Variants in IQSEC1 observed in about 807,000 individuals in gnomAD.
The protein encoded by IQSEC1 is IQ motif and SEC7 domain-containing protein 1.
In IQSEC1, 31 loss-of-function variants were observed where a neutral mutation model predicts 91.0. The observed-to-expected ratio is 0.34, with a 90% confidence interval of 0.26 to 0.46. The LOEUF (loss-of-function observed/expected upper bound fraction) is 0.46, where lower values mean the gene tolerates loss of function less well. Among genes scored for constraint, IQSEC1 ranks in the 20% least tolerant of loss-of-function variants. IQSEC1 has a pLI of 1.00. For synonymous variants in IQSEC1, 699 were observed against 662.6 expected (o/e 1.05, Z -0.84); for missense variants, 1,388 against 1,575.6 (o/e 0.88, Z 2.02).
At chr3:13,164,503 G>GTGAA (rs746646832) in intron 1 of IQSEC1, among the ~76,000 whole-genome samples, 5 of 152,140 alleles carry the variant, frequency 3.3e-5, no homozygotes, top group Non-Finnish European at 4.4e-5. Context: ...GAATGAATGA[G>GTGAA]TGAATGAATG....
chr3:12,991,189 C>A (rs1044663037), intron 1 of IQSEC1, among the ~76,000 whole-genome samples: 1 of 152,076 alleles, frequency 6.6e-6, no homozygotes, highest in South Asian at 2.1e-4. Context: ...GGTATCCCCG[C>A]GGGGAAGATT....
At chr3:13,044,650 C>CG (rs1289593544) in intron 1 of IQSEC1, among the ~76,000 whole-genome samples, 3 of 152,214 alleles carry the variant, frequency 2.0e-5, no homozygotes, top group Non-Finnish European at 2.9e-5. Flanking sequence ...GTAGCACAGG[C>CG]GGGGCCAGCA....
At chr3:13,202,835 G>A (rs1311205737) in intron 1 of IQSEC1, among the ~76,000 whole-genome samples, 1 of 152,220 alleles carries the variant, frequency 6.6e-6, no homozygotes, top group Non-Finnish European at 1.5e-5. Flanking sequence ...GACCCCTACT[G>A]TGAGGGCTGG....
intron 2 of IQSEC1, among the ~76,000 whole-genome samples, chr3:13,154,488 T>C (rs357164): frequency 0.19 from 12,657 of 65,544 alleles, 2,980 homozygotes; most frequent in East Asian, 0.4. Flanking sequence ...CAAAAACTGA[T>C]ACAACTGAAG....
chr3:13,079,934 G>GA (rs1031621078), intron 2 of IQSEC1, among the ~76,000 whole-genome samples: 8 of 152,344 alleles, frequency 5.3e-5, no homozygotes, highest in Admixed American at 5.2e-4. Context: ...ATATAGCAAG[G>GA]AAAAACAGAA....
intron 2 of IQSEC1, among the ~76,000 whole-genome samples, chr3:13,113,051 G>A (rs1037212421): frequency 6.6e-6 from 1 of 152,242 alleles, no homozygotes; most frequent in Non-Finnish European, 1.5e-5. Flanking sequence ...TCTGGGAGCT[G>A]CTGCTCTTTC....
chr3:13,010,059 C>T (rs1372931763), intron 1 of IQSEC1, among the ~76,000 whole-genome samples: 1 of 152,228 alleles, frequency 6.6e-6, no homozygotes. Flanking sequence ...TCAGTTTTCT[C>T]ATCTGCAAAA....
At position 12,899,511 on chromosome 3, in the gene IQSEC1, C is replaced by T; in HGVS notation, c.*1472G>A. On this transcript the variant is annotated 3_prime_UTR_variant, in exon 14 of 14. Transcript: ENST00000613206. ...TCTGGCCCTGGGGAGCGCATGGTGT[C>T]ACCACAACACAGAAGCGACAAGAGC... The T allele has an allele frequency of 6.4e-7, 1 of 1,552,374 alleles. No individual in the cohort carries two copies. Among genetic ancestry groups the T allele is most frequent in the African/African-American group, 1.4e-5 (1 of 73,444 alleles).
chr3:13,069,942 T>C (rs781227962), intron 1 of IQSEC1, among the ~76,000 whole-genome samples: 6 of 152,240 alleles, frequency 3.9e-5, no homozygotes, highest in Non-Finnish European at 7.3e-5. Context: ...CCTGCTTTTG[T>C]TGTCATCCTT....
Position 12,967,534 on chromosome 3 carries a change from G to C in IQSEC1, c.24-25669C>G, listed in dbSNP as rs912162657. ...CGCCGACTCCCGCCAGCGAGCCGCC[G>C]GATCCCGGGGCCGACACCCGGCCAC... On this transcript the variant is annotated intron_variant, in intron 1 of 13. Coordinates refer to ENST00000613206, the MANE Select transcript of IQSEC1 (RefSeq NM_001134382.3). This position sits in a 1 kb window ranked among gnomAD's most constrained non-coding sequence, Gnocchi z 5.9. 8.7e-6 allele frequency: 12 copies of C among 1,386,828 alleles called. No homozygotes were observed. The highest frequency in any genetic ancestry group is 1.1e-5 in the Non-Finnish European group (12 of 1,078,714). The allele number at this position is 1,386,828 out of a possible 1,614,324, so 85.9% of individuals were successfully genotyped here.
chr3:13,013,536 A>T (rs1702984243), intron 1 of IQSEC1, among the ~76,000 whole-genome samples: 1 of 152,204 alleles, frequency 6.6e-6, no homozygotes, highest in Non-Finnish European at 1.5e-5. Context: ...CTGATGGCCT[A>T]CAGGTGTTTT....
chr3:12,923,603 G>A (rs1442604819), intron 4 of IQSEC1, among the ~76,000 whole-genome samples: 1 of 152,186 alleles, frequency 6.6e-6, no homozygotes, highest in African/African-American at 2.4e-5. Context: ...GTGGGGATGT[G>A]TGCCCAGGCC....
At chr3:13,015,695 C>T in intron 1 of IQSEC1, 1 of 985,378 alleles carries the variant, frequency 1.0e-6, no homozygotes. Flanking sequence ...GTCTGACTTC[C>T]TCCCTGCTCA....
At chr3:13,162,867 C>T (rs1353995254) in intron 2 of IQSEC1, among the ~76,000 whole-genome samples, 1 of 152,094 alleles carries the variant, frequency 6.6e-6, no homozygotes, top group African/African-American at 2.4e-5. Context: ...GATCCCCAGA[C>T]CCTAGCCTTT....
rs150715074 is a variant in IQSEC1, at chr3:12,938,701, G to A, written c.319-2004C>T. 3.8e-3 allele frequency among the ~76,000 whole-genome samples: 583 copies of A among 152,190 alleles called. 3 individuals are homozygous for A. The highest frequency in any genetic ancestry group is 4.7e-3 in the Non-Finnish European group (320 of 67,994). ...TTTCTTCCCTCACTGTACTTTGTGG[G>A]CGGCACAAGTACGAGGACCTCCAGC... On this transcript the variant is annotated intron_variant, in intron 2 of 13. Transcript: ENST00000613206.
rs554838840 is a variant in IQSEC1 at position 13,015,709 on chromosome 3, G to A, written c.23+57283C>T. On this transcript the variant is annotated intron_variant, in intron 1 of 13. Transcript: ENST00000613206. ...CGTCTGACTTCCTCCCTGCTCAGTCGGCATCCAGGAAACCACACCCAGGGG... is the reference window on the plus strand; with the variant it reads ...CGTCTGACTTCCTCCCTGCTCAGTCAGCATCCAGGAAACCACACCCAGGGG... 2.6e-5 allele frequency: 26 copies of A among 985,350 alleles called. No individual in the cohort carries two copies. In the African/African-American group the frequency reaches 3.8e-4, roughly 15 times the overall value. 61.0% of individuals were successfully genotyped at this position (985,350 alleles called of 1,614,324 possible). A position where few individuals can be genotyped will look rare whatever the true frequency, so the allele number is the denominator to read the frequency against.
At chr3:13,267,695 G>A (rs59848397) in intron 1 of IQSEC1, among the ~76,000 whole-genome samples, 7,392 of 149,684 alleles carry the variant, frequency 0.049, 598 homozygotes, top group African/African-American at 0.17. Context: ...TCCGCTCACT[G>A]CAAGCTCCGC....
intron 1 of IQSEC1, among the ~76,000 whole-genome samples, chr3:13,071,347 G>C (rs1180250385): frequency 1.3e-5 from 2 of 152,024 alleles, no homozygotes; most frequent in Admixed American, 1.3e-4. Context: ...ACATTTCTGA[G>C]CATTGGAGGC....
At chr3:13,034,950 G>A (rs941450597) in intron 1 of IQSEC1, among the ~76,000 whole-genome samples, 2 of 152,268 alleles carry the variant, frequency 1.3e-5, no homozygotes, top group African/African-American at 4.8e-5. Context: ...GCACAGTGCT[G>A]GTGGGGTGGG....
Sources: gnomAD v4.1 joint callset for allele counts (sites outside exome capture counted in the v4.1 genomes callset) on GRCh38, gnomAD v4.1.1 for gene constraint, Gnocchi (gnomAD v3.1) non-coding constraint, MANE v1.5 for transcripts, NCBI Gene and HGNC (gene_info 2026-07-23, HGNC 2026-07-21) for gene names.